The following ABCC5 variants were observed in gnomAD, a reference collection of about 807,000 sequenced individuals.
ABCC5 encodes the protein ATP binding cassette subfamily C member 5, also known as ATP-binding cassette sub-family C member 5.
Under a neutral mutation model 160.9 loss-of-function variants are expected in ABCC5, and 61 were observed. That is an observed-to-expected ratio of 0.38 (90% confidence interval 0.31 to 0.47). The LOEUF (loss-of-function observed/expected upper bound fraction) is 0.47. Among genes scored for constraint, ABCC5 ranks in the 20% least tolerant of loss-of-function variants. The pLI is 0.99. For missense variants in ABCC5, 1,308 were observed against 1,813.3 expected, an observed-to-expected ratio of 0.72 and a Z score of 5.06; for synonymous variants, 666 against 700.6, an observed-to-expected ratio of 0.95 and a Z score of 0.78.
intron 8 of ABCC5, among the ~76,000 whole-genome samples, chr3:183,980,729 T>G (rs1395522916): frequency 6.6e-6 from 1 of 151,924 alleles, no homozygotes; most frequent in East Asian, 1.9e-4. Flanking sequence ...TTTTTTTTTT[T>G]TTTGAGACAG....
intron 26 of ABCC5, among the ~76,000 whole-genome samples, chr3:183,936,731 A>G (rs1713762032): frequency 1.3e-5 from 2 of 152,068 alleles, no homozygotes; most frequent in African/African-American, 2.4e-5. Context: ...GATGATCTCA[A>G]TCTCCTGACC....
At chr3:183,989,741 T>A (rs930932378) in intron 2 of ABCC5, among the ~76,000 whole-genome samples, 12 of 152,302 alleles carry the variant, frequency 7.9e-5, no homozygotes, top group African/African-American at 2.9e-4. Context: ...TTTGTTACAA[T>A]TGATGAGCCA....
At chr3:183,959,454 A>G (rs145428856) in intron 17 of ABCC5, among the ~76,000 whole-genome samples, 2 of 152,196 alleles carry the variant, frequency 1.3e-5, no homozygotes, top group African/African-American at 2.4e-5. Flanking sequence ...ATTTTTCCTT[A>G]CTCAGGATGA....
At chr3:183,961,452 C>A in intron 16 of ABCC5, 59 bp downstream of exon 16, 3 of 1,587,970 alleles carry the variant, frequency 1.9e-6, no homozygotes, top group South Asian at 1.2e-5. Context: ...TCACTCACTC[C>A]GGCTGTGTTT....
rs1211191655 is a variant in ABCC5, at chr3:183,921,655, A to G, written c.4213-254T>C. On this transcript the variant is annotated intron_variant, in intron 29 of 29. Coordinates refer to ENST00000334444, the MANE Select transcript of ABCC5 (RefSeq NM_005688.4). The surrounding 1 kb of genome is among the most constrained non-coding windows in gnomAD (Gnocchi z 4.1). ...AATAAAGTAGTATCATAGCAAAAAAAAAAAAAGAAAACGACTTCCAGACCT... is the reference window on the plus strand; with the variant it reads ...AATAAAGTAGTATCATAGCAAAAAAGAAAAAAGAAAACGACTTCCAGACCT... Among the ~76,000 whole-genome samples, 1 of 152,224 alleles carries G rather than the reference A, an allele frequency of 6.6e-6. No homozygotes were observed. The highest frequency in any genetic ancestry group is 2.4e-5 in the African/African-American group (1 of 41,560).
intron 10 of ABCC5, among the ~76,000 whole-genome samples, chr3:183,977,288 G>T (rs766785190): frequency 6.6e-6 from 1 of 152,212 alleles, no homozygotes; most frequent in Non-Finnish European, 1.5e-5. Context: ...TGGGAGCCCA[G>T]ATCATGGCCG....
At chr3:183,945,721 C>T (rs780643149) in intron 24 of ABCC5, 129 bp downstream of exon 24, 1 of 742,762 alleles carries the variant, frequency 1.3e-6, no homozygotes, top group Non-Finnish European at 2.4e-6. Context: ...TGAGAGATTG[C>T]TGGAGATTCT....
intron 8 of ABCC5, among the ~76,000 whole-genome samples, chr3:183,978,856 T>C (rs1718451480): frequency 6.6e-6 from 1 of 152,202 alleles, no homozygotes; most frequent in Non-Finnish European, 1.5e-5. Context: ...GCAGTCACTA[T>C]GTATGAACTC....
At chr3:183,927,715 A>G in intron 27 of ABCC5, 1 of 985,442 alleles carries the variant, frequency 1.0e-6, no homozygotes, top group Non-Finnish European at 1.2e-6. Context: ...ATCCAGTCAC[A>G]TAGTGGGCCT....
intron 9 of ABCC5, 103 bp downstream of exon 9, chr3:183,978,400 C>T: frequency 7.1e-7 from 1 of 1,400,968 alleles, no homozygotes; most frequent in Admixed American, 2.0e-5. Context: ...ATGATCTTGG[C>T]TCACTGTAAC....
intron 15 of ABCC5, among the ~76,000 whole-genome samples, chr3:183,962,134 C>A (rs1228173674): frequency 6.6e-6 from 1 of 152,114 alleles, no homozygotes; most frequent in East Asian, 1.9e-4. Context: ...CCTGATAAAC[C>A]CAACGTAAAT....
chr3:183,940,645 A>C (rs1280382866), intron 25 of ABCC5, among the ~76,000 whole-genome samples: 4 of 151,966 alleles, frequency 2.6e-5, no homozygotes, highest in Non-Finnish European at 5.9e-5. Flanking sequence ...CCAGTTTAAC[A>C]AAAGGTGCCT....
In ABCC5 at chr3:183,963,478, G is replaced by A. The variant is rs377274832; in HGVS notation, c.2142C>T (p.Ala714=). The A allele has an allele frequency of 6.2e-7, 1 of 1,614,134 alleles. No homozygotes were observed. The highest frequency in any genetic ancestry group is 8.5e-7 in the Non-Finnish European group (1 of 1,180,058). Residue 714 remains alanine (A), a synonymous_variant, in exon 15 of 30, where the codon GCC becomes GCT. Coordinates refer to ENST00000334444, the MANE Select transcript of ABCC5 (RefSeq NM_005688.4). This position sits in a 1 kb window ranked among gnomAD's most constrained non-coding sequence, Gnocchi z 4.6. ...SIYILDDPLS[A]LDAHVGNHIF... The stretch of plus-strand genomic sequence containing the variant: ...TGTGGTTGCCCACATGGGCATCTAA[G>A]GCACTGAGGGGGTCGTCCAGGATGT...
At chr3:184,001,947 G>C (rs1403892214) in intron 2 of ABCC5, among the ~76,000 whole-genome samples, 1 of 152,146 alleles carries the variant, frequency 6.6e-6, no homozygotes, top group East Asian at 1.9e-4. Flanking sequence ...AAAAATACTG[G>C]CAGATCCAGG....
At chr3:183,946,714 A>G (rs1407557554) in intron 23 of ABCC5, among the ~76,000 whole-genome samples, 2 of 152,132 alleles carry the variant, frequency 1.3e-5, no homozygotes, top group Admixed American at 1.3e-4. Context: ...TCTCATCCAA[A>G]TATTTCAGCT....
At chr3:183,979,611 C>T (rs551614138) in intron 8 of ABCC5, among the ~76,000 whole-genome samples, 6 of 152,118 alleles carry the variant, frequency 3.9e-5, no homozygotes, top group Non-Finnish European at 5.9e-5. Flanking sequence ...GACGAGGTCT[C>T]GCTCTGTTGC....
chr3:183,925,501 G>C (rs1299017966), intron 29 of ABCC5, 54 bp downstream of exon 29: 1 of 1,593,910 alleles, frequency 6.3e-7, no homozygotes, highest in Non-Finnish European at 8.6e-7. Context: ...ATCCCTGCCA[G>C]GGGCCAGTTT....
intron 2 of ABCC5, among the ~76,000 whole-genome samples, chr3:184,002,525 T>A (rs17817736): frequency 0.33 from 50,379 of 152,088 alleles, 8,656 homozygotes; most frequent in East Asian, 0.43. Flanking sequence ...ACAGGTAACA[T>A]TCGATTCATA....
intron 24 of ABCC5, among the ~76,000 whole-genome samples, chr3:183,944,747 T>A (rs964929185): frequency 6.6e-6 from 1 of 152,194 alleles, no homozygotes; most frequent in African/African-American, 2.4e-5. Flanking sequence ...TCTTTTTTTT[T>A]AAGCTCATCA....
Sources: gnomAD v4.1 joint callset for allele counts (sites outside exome capture counted in the v4.1 genomes callset) on GRCh38, gnomAD v4.1.1 for gene constraint, Gnocchi (gnomAD v3.1) non-coding constraint, MANE v1.5 for transcripts, NCBI Gene and HGNC (gene_info 2026-07-23, HGNC 2026-07-21) for gene names.